Variants in EYA1 observed in about 807,000 individuals in gnomAD.
The protein encoded by EYA1 is protein phosphatase EYA1.
EYA1 carries 16 observed loss-of-function variants against 82.0 expected under a neutral mutation model. The observed-to-expected ratio is 0.20, with a 90% CI of 0.13 to 0.30. The LOEUF is 0.30. EYA1 is among the 10% of genes least tolerant of loss of function. EYA1 has a pLI of 1.00. For missense variants in EYA1, 633 were observed against 730.7 expected, an observed-to-expected ratio of 0.87 and a Z score of 1.54; for synonymous variants, 261 against 264.4, an observed-to-expected ratio of 0.99 and a Z score of 0.12.
intron 2 of EYA1, among the ~76,000 whole-genome samples, chr8:71,451,994 AG>A (rs1807422417): frequency 6.6e-6 from 1 of 152,176 alleles, no homozygotes; most frequent in African/African-American, 2.4e-5. Context: ...GGGAAGTGCA[AG>A]GGGTCAGGGA....
intron 3 of EYA1, among the ~76,000 whole-genome samples, chr8:71,353,885 T>C (rs529544963): frequency 1.3e-5 from 2 of 152,292 alleles, no homozygotes; most frequent in East Asian, 3.9e-4. Flanking sequence ...CTCTGAGTCA[T>C]CAAGGTCCTA....
chr8:71,366,598 A>G (rs1827772811), upstream of EYA1, among the ~76,000 whole-genome samples: 1 of 152,218 alleles, frequency 6.6e-6, no homozygotes. Context: ...CTGAGTTCAC[A>G]GTTTTTAAAT....
At chr8:71,254,243 C>CAAAAAAAAAAAAAAAAAA (rs56047377) in intron 11 of EYA1, among the ~76,000 whole-genome samples, 5 of 51,460 alleles carry the variant, frequency 9.7e-5, no homozygotes, top group Admixed American at 3.2e-4. Context: ...AAGTCTTGGC[C>CAAAAAAAAAAAAAAAAAA]AAAAAAAAAA....
chr8:71,491,163 C>T (rs1001706584), intron 2 of EYA1, among the ~76,000 whole-genome samples: 4 of 152,172 alleles, frequency 2.6e-5, no homozygotes, highest in South Asian at 2.1e-4. Flanking sequence ...TATGGCTAAT[C>T]GATGGCAGCC....
At chr8:71,393,220 A>G (rs970972376) in intron 2 of EYA1, among the ~76,000 whole-genome samples, 4 of 152,186 alleles carry the variant, frequency 2.6e-5, no homozygotes, top group African/African-American at 9.7e-5. Flanking sequence ...TTATGCAAAC[A>G]TTGTCATGGG....
At chr8:71,293,910 C>T (rs1270380288) in intron 9 of EYA1, among the ~76,000 whole-genome samples, 3 of 150,524 alleles carry the variant, frequency 2.0e-5, no homozygotes, top group Non-Finnish European at 4.4e-5. Context: ...CACTCCTGTT[C>T]GACATTGTAC....
At chr8:71,361,530 T>G (rs1173971635) in intron 1 of EYA1, 117 bp downstream of exon 1, 5 of 415,204 alleles carry the variant, frequency 1.2e-5, no homozygotes, top group Non-Finnish European at 1.6e-5. Flanking sequence ...TGCCATAATG[T>G]TTTTCTTTGA....
At chr8:71,230,435 C>T (rs1811059123) in intron 12 of EYA1, among the ~76,000 whole-genome samples, 1 of 152,208 alleles carries the variant, frequency 6.6e-6, no homozygotes, top group Admixed American at 6.5e-5. Flanking sequence ...TTCCATTCAA[C>T]AAGAAAGGAA....
intron 2 of EYA1, among the ~76,000 whole-genome samples, chr8:71,466,658 G>A (rs575546325): frequency 7.9e-5 from 12 of 152,192 alleles, no homozygotes; most frequent in African/African-American, 2.6e-4. Flanking sequence ...TATACCTCTC[G>A]ACAAAATGTT....
At chr8:71,423,282 A>T (rs562041849) in intron 2 of EYA1, among the ~76,000 whole-genome samples, 3 of 152,216 alleles carry the variant, frequency 2.0e-5, no homozygotes, top group Non-Finnish European at 4.4e-5. Context: ...GAAACAGCAT[A>T]CTGTTTTAAA....
upstream of EYA1, among the ~76,000 whole-genome samples, chr8:71,366,752 T>C (rs186052221): frequency 2.4e-3 from 373 of 152,332 alleles, 4 homozygotes; most frequent in Middle Eastern, 0.027. Context: ...TTTCCCTCAC[T>C]ATTGGTTCTG....
intron 2 of EYA1, among the ~76,000 whole-genome samples, chr8:71,522,064 A>C (rs1424341659): frequency 6.6e-6 from 1 of 152,186 alleles, no homozygotes; most frequent in Non-Finnish European, 1.5e-5. Context: ...AGGGCTTGAA[A>C]ACTAGCATGG....
At chr8:71,328,201 G>A (rs561312133) in intron 4 of EYA1, among the ~76,000 whole-genome samples, 1 of 152,068 alleles carries the variant, frequency 6.6e-6, no homozygotes, top group Non-Finnish European at 1.5e-5. Context: ...AAGTAGGAGT[G>A]GTGGCCACAG....
intron 2 of EYA1, among the ~76,000 whole-genome samples, chr8:71,478,629 A>C (rs116557303): frequency 2.8e-3 from 424 of 152,290 alleles, no homozygotes; most frequent in African/African-American, 9.7e-3. Flanking sequence ...TACACTGCCT[A>C]CATGCTGTGG....
Position 71,239,683 on chromosome 8 carries a change from C to T in EYA1, c.1140+4920G>A, listed in dbSNP as rs10094425. On this transcript the variant is annotated intron_variant, in intron 12 of 17. Coordinates refer to ENST00000340726, the MANE Select transcript of EYA1 (RefSeq NM_000503.6). The stretch of plus-strand genomic sequence containing the variant: ...CACCCTTTCATATGGCTACTCTTGG[C>T]TTGTGGAGGGGTTTGGAAGCAGCAA... Among the ~76,000 whole-genome samples the T allele has an allele frequency of 3.6e-3, 541 of 152,234 alleles. 5 individuals carry two copies. Among genetic ancestry groups the T allele is most frequent in the African/African-American group, 0.013 (524 of 41,546 alleles).
chr8:71,472,811 A>G (rs1056071223), intron 2 of EYA1, among the ~76,000 whole-genome samples: 1 of 147,818 alleles, frequency 6.8e-6, no homozygotes, highest in African/African-American at 2.5e-5. Context: ...ATATATATAT[A>G]TATCTGTCAG....
chr8:71,520,379 C>G (rs563734783), intron 2 of EYA1, among the ~76,000 whole-genome samples: 6 of 152,204 alleles, frequency 3.9e-5, no homozygotes, highest in Non-Finnish European at 7.4e-5. Flanking sequence ...CAGGGCCCCT[C>G]AAGCGGAACA....
intron 11 of EYA1, among the ~76,000 whole-genome samples, chr8:71,267,836 C>A (rs1816050154): frequency 6.6e-6 from 1 of 152,178 alleles, no homozygotes; most frequent in Non-Finnish European, 1.5e-5. Context: ...GCATGAGCCA[C>A]CGCGCCCGGC....
chr8:71,325,402 T>C (rs1823039150), intron 4 of EYA1, among the ~76,000 whole-genome samples: 1 of 152,162 alleles, frequency 6.6e-6, no homozygotes. Flanking sequence ...AGTGTATAGA[T>C]GGTTACATTC....
Sources: allele counts gnomAD v4.1 joint callset (sites outside exome capture counted in the v4.1 genomes callset), GRCh38; gene constraint gnomAD v4.1.1; transcripts MANE v1.5; gene names NCBI Gene and HGNC (gene_info 2026-07-23, HGNC 2026-07-21).